RGSL1: variants seen among roughly 807,000 people sequenced by gnomAD.
The protein encoded by RGSL1 is regulator of G protein signaling protein-like.
Under a neutral mutation model 124.7 loss-of-function variants are expected in RGSL1, and 97 were observed. The observed-to-expected ratio is 0.78, with a 90% CI of 0.66 to 0.92. RGSL1 has a LOEUF of 0.92. Ranked by LOEUF, RGSL1 falls within the 40% of genes least tolerant of loss-of-function variation. The pLI is 0.00. For synonymous variants in RGSL1, 424 were observed against 438.1 expected (o/e 0.97, Z 0.40); for missense variants, 1,233 against 1,288.4 (o/e 0.96, Z 0.66).
At position 182,556,669 on chromosome 1, in the gene RGSL1, C is replaced by A. The variant is rs78785322; in HGVS notation, c.*165+447C>A. ...TGTCCTGTTCTTGTTCTATGCCAAC[C>A]TTTTATGTAACTTTTCATGCACAAA... On this transcript the variant is annotated intron_variant, in intron 21 of 21. Coordinates refer to ENST00000294854, the MANE Select transcript of RGSL1 (RefSeq NM_001137669.2). 6.5e-3 allele frequency among the ~76,000 whole-genome samples: 997 copies of A among 152,242 alleles called. 4 individuals are homozygous for A. The highest frequency in any genetic ancestry group is 0.023 in the African/African-American group (950 of 41,558).
chr1:182,516,010 C>T (rs905103712), intron 9 of RGSL1, among the ~76,000 whole-genome samples: 8 of 152,160 alleles, frequency 5.3e-5, no homozygotes, highest in Non-Finnish European at 1.0e-4. Context: ...CATTTCAAAC[C>T]GTGAAAGAAG....
At chr1:182,515,024 G>C (rs1403143355) in intron 9 of RGSL1, among the ~76,000 whole-genome samples, 1 of 152,144 alleles carries the variant, frequency 6.6e-6, no homozygotes, top group Non-Finnish European at 1.5e-5. Context: ...GAAAACTCAG[G>C]GTGTGAGGGA....
chr1:182,514,398 C>T (rs2102210531), intron 9 of RGSL1, among the ~76,000 whole-genome samples: 1 of 152,286 alleles, frequency 6.6e-6, no homozygotes, highest in South Asian at 2.1e-4. Context: ...GCCCCCTTCC[C>T]TGATGCTATA....
chr1:182,469,815 A>G (rs538594878), intron 4 of RGSL1, among the ~76,000 whole-genome samples: 1 of 152,328 alleles, frequency 6.6e-6, no homozygotes, highest in African/African-American at 2.4e-5. Flanking sequence ...TATATGCACA[A>G]TGGAATATTA....
intron 4 of RGSL1, among the ~76,000 whole-genome samples, chr1:182,467,741 G>A (rs981633841): frequency 6.6e-6 from 1 of 152,062 alleles, no homozygotes; most frequent in African/African-American, 2.4e-5. Context: ...CAAAAGCAAT[G>A]GCAATAAAAG....
chr1:182,499,423 T>C (rs950893133), intron 9 of RGSL1, among the ~76,000 whole-genome samples: 2 of 152,230 alleles, frequency 1.3e-5, no homozygotes, highest in African/African-American at 4.8e-5. Flanking sequence ...TACCATTATG[T>C]GATGCCTTTA....
At chr1:182,552,175 G>A (rs189132305) in intron 18 of RGSL1, among the ~76,000 whole-genome samples, 136 of 151,802 alleles carry the variant, frequency 9.0e-4, no homozygotes, top group African/African-American at 3.1e-3. Context: ...GTGCAGGGGC[G>A]CAATCTCGGC....
chr1:182,542,385 T>TTTA (rs1659948772), intron 15 of RGSL1, among the ~76,000 whole-genome samples: 1 of 152,116 alleles, frequency 6.6e-6, no homozygotes, highest in Non-Finnish European at 1.5e-5. Flanking sequence ...AAGGCATGGA[T>TTTA]TTATATCTGA....
intron 9 of RGSL1, among the ~76,000 whole-genome samples, chr1:182,501,140 T>C (rs1656323461): frequency 1.3e-5 from 2 of 152,122 alleles, no homozygotes; most frequent in African/African-American, 4.8e-5. Flanking sequence ...CCTTTTATCA[T>C]GTTGAGGATG....
At chr1:182,448,206 G>C (rs751691921), upstream of RGSL1, 2 of 78,668 alleles carry the variant, frequency 2.5e-5, no homozygotes, top group Non-Finnish European at 5.6e-5. Flanking sequence ...TTATTTGTTT[G>C]TTTGTTTGTT....
At chr1:182,491,479 T>C (rs1044552804) in intron 8 of RGSL1, among the ~76,000 whole-genome samples, 1 of 152,100 alleles carries the variant, frequency 6.6e-6, no homozygotes, top group African/African-American at 2.4e-5. Flanking sequence ...CCTCCCAAAG[T>C]GCTGGGATTA....
intron 15 of RGSL1, among the ~76,000 whole-genome samples, chr1:182,546,888 C>T (rs1307433168): frequency 1.3e-5 from 2 of 152,224 alleles, no homozygotes; most frequent in Non-Finnish European, 2.9e-5. Flanking sequence ...TCCTGGTACA[C>T]ATTCACTTCT....
chr1:182,468,126 T>C (rs1417544122), intron 4 of RGSL1, among the ~76,000 whole-genome samples: 2 of 152,200 alleles, frequency 1.3e-5, no homozygotes, highest in African/African-American at 2.4e-5. Flanking sequence ...CAACAGGTGC[T>C]GGAGAGGATG....
In RGSL1 at chr1:182,474,250, C is replaced by A; in HGVS notation, c.1139C>A (p.Ala380Glu). ...IHLALCADAC[A>E]GNPFRDHLKK... ...TTGGCCTTGTGTGCTGATGCCTGTG[C>A]AGGGAACCCTTTCCGGGACCACCTG... Residue 380 changes from alanine (A) to glutamate (E), a missense_variant, in exon 6 of 22, where the codon GCA becomes GAA. Physicochemically the swap from Ala to Glu is moderately radical, Grantham distance 107 (BLOSUM62 -1). Coordinates refer to ENST00000294854, the MANE Select transcript of RGSL1 (RefSeq NM_001137669.2). 6.4e-7 allele frequency: 1 copy of A among 1,551,856 alleles called. No homozygotes were observed.
intron 9 of RGSL1, among the ~76,000 whole-genome samples, chr1:182,493,704 C>T (rs1039848905): frequency 6.6e-5 from 10 of 152,292 alleles, no homozygotes; most frequent in African/African-American, 2.4e-4. Context: ...AAGGATATAA[C>T]CTAGGGTTTA....
intron 9 of RGSL1, among the ~76,000 whole-genome samples, chr1:182,512,732 G>A (rs1252177472): frequency 6.6e-6 from 1 of 152,186 alleles, no homozygotes; most frequent in Non-Finnish European, 1.5e-5. Flanking sequence ...TTGAAGGATG[G>A]TGAATGCAGA....
intron 13 of RGSL1, among the ~76,000 whole-genome samples, chr1:182,531,304 A>G (rs1659155863): frequency 6.6e-6 from 1 of 152,198 alleles, no homozygotes; most frequent in Non-Finnish European, 1.5e-5. Flanking sequence ...TCTTGCAGAC[A>G]AACAAACCAG....
At position 182,548,304 on chromosome 1, in the gene RGSL1, A is replaced by G. The variant is rs1195194723; in HGVS notation, c.2670-13A>G. 2 of 1,551,616 alleles carry G rather than the reference A, an allele frequency of 1.3e-6. No individual in the cohort carries two copies. The highest frequency in any genetic ancestry group is 1.7e-6 in the Non-Finnish European group (2 of 1,146,936). On this transcript the variant is annotated splice_polypyrimidine_tract_variant and intron_variant, in intron 15 of 21. Transcript: ENST00000294854. ...TTCTCCTCCTGATTTCCTACTTCAC[A>G]TTTCTTTTTTAGATTTAATGATCTG...
intron 15 of RGSL1, among the ~76,000 whole-genome samples, chr1:182,547,202 G>C (rs972662194): frequency 6.6e-6 from 1 of 152,210 alleles, no homozygotes; most frequent in African/African-American, 2.4e-5. Flanking sequence ...TGGCAGAAAA[G>C]ACACAAACAA....
Sources: gnomAD v4.1 joint callset for allele counts (sites outside exome capture counted in the v4.1 genomes callset) on GRCh38, gnomAD v4.1.1 for gene constraint, MANE v1.5 for transcripts, NCBI Gene and HGNC (gene_info 2026-07-23, HGNC 2026-07-21) for gene names.